The following PARM1 variants were observed in gnomAD, a reference collection of about 807,000 sequenced individuals.
PARM1 encodes prostate androgen-regulated mucin-like protein 1.
PARM1 carries 14 observed loss-of-function variants against 24.6 expected under a neutral mutation model. The observed-to-expected ratio is 0.57, with a 90% CI of 0.38 to 0.89. The LOEUF (loss-of-function observed/expected upper bound fraction) is 0.89. Among genes scored for constraint, PARM1 ranks in the 40% least tolerant of loss-of-function variants. PARM1 has a pLI of 0.00. For synonymous variants in PARM1, 179 were observed against 156.6 expected, an observed-to-expected ratio of 1.14 and a Z score of -1.07; for missense variants, 362 against 380.4, an observed-to-expected ratio of 0.95 and a Z score of 0.40.
At chr4:74,999,208 C>T (rs1319900256) in intron 1 of PARM1, 1 of 152,264 alleles carries the variant, frequency 6.6e-6, no homozygotes, top group African/African-American at 2.4e-5. Flanking sequence ...CTAAGAACTT[C>T]ATCCCAACAC....
chr4:74,949,234 C>A (rs1721470033), intron 1 of PARM1, among the ~76,000 whole-genome samples: 1 of 152,136 alleles, frequency 6.6e-6, no homozygotes, highest in Admixed American at 6.5e-5. Flanking sequence ...AAGGAGAAAA[C>A]CCACGTTTCC....
intron 2 of PARM1, among the ~76,000 whole-genome samples, chr4:75,030,830 G>T (rs1355734884): frequency 6.6e-6 from 1 of 152,014 alleles, no homozygotes; most frequent in Non-Finnish European, 1.5e-5. Flanking sequence ...TAAGCCAGAG[G>T]CTCCCCTGCC....
rs766172537 is a variant in PARM1 at position 75,012,604 on chromosome 4, T to C, written c.223T>C (p.Ser75Pro). The change falls in exon 2 of 4, where the codon TCT (serine) becomes CCT (proline). Residue 75 changes from serine (S) to proline (P), a missense_variant. Coordinates refer to ENST00000307428, the MANE Select transcript of PARM1 (RefSeq NM_015393.4). ...CCCAGTTACAGCATCAGCCCCAACATCTCTGCTTCCTAAGAACATTTCCAT... is the reference window on the plus strand; with the variant it reads ...CCCAGTTACAGCATCAGCCCCAACACCTCTGCTTCCTAAGAACATTTCCAT... ...VLPVTASAPTSLLPKNISIES... is the reference protein window; with the variant it reads ...VLPVTASAPTPLLPKNISIES... The C allele has an allele frequency of 1.2e-6, 2 of 1,613,870 alleles. No homozygotes were observed. Among genetic ancestry groups the C allele is most frequent in the Non-Finnish European group, 1.7e-6 (2 of 1,179,856 alleles).
rs974596157 is a variant in PARM1, at chr4:74,981,439, C to T, written c.44-30986C>T. ...AAAACCGCAATGAGATACAATCTCA[C>T]GCCATTCAGAATGGCACTTATTAAA... On this transcript the variant is annotated intron_variant, in intron 1 of 3. Transcript: ENST00000307428. Among the ~76,000 whole-genome samples, 8 of 152,244 alleles carry T rather than the reference C, an allele frequency of 5.3e-5. No homozygotes were observed. The South Asian group carries it at 1.2e-3, about 24-fold the overall frequency.
intron 1 of PARM1, 26 bp from the exon 2 acceptor site, chr4:75,012,399 C>A: frequency 6.2e-7 from 1 of 1,601,314 alleles, no homozygotes; most frequent in Non-Finnish European, 8.5e-7. Flanking sequence ...CACATATTAA[C>A]CACTTTTGTA....
At chr4:75,032,995 A>C (rs1008786379) in intron 2 of PARM1, among the ~76,000 whole-genome samples, 1 of 152,246 alleles carries the variant, frequency 6.6e-6, no homozygotes, top group African/African-American at 2.4e-5. Flanking sequence ...TTATTAATGC[A>C]AAGCTCACAC....
In PARM1 at chr4:74,961,900, T is replaced by C. The variant is rs149508828; in HGVS notation, c.43+28530T>C. Reference sequence around the variant, plus strand: ...TAAATAATAAAGATCTCAATAAAGGTAAATACATGAACAGTTATAAAATCT... The same window carrying C: ...TAAATAATAAAGATCTCAATAAAGGCAAATACATGAACAGTTATAAAATCT... On this transcript the variant is annotated intron_variant, in intron 1 of 3. Transcript: ENST00000307428. 9.9e-5 allele frequency among the ~76,000 whole-genome samples: 15 copies of C among 152,262 alleles called. No individual in the cohort carries two copies. In the East Asian group the frequency reaches 2.7e-3, roughly 27 times the overall value.
chr4:74,979,312 A>G (rs1438594249), intron 1 of PARM1, among the ~76,000 whole-genome samples: 9 of 152,194 alleles, frequency 5.9e-5, no homozygotes, highest in Admixed American at 5.9e-4. Flanking sequence ...AAATACAACC[A>G]TCAGAGAATA....
intron 2 of PARM1, among the ~76,000 whole-genome samples, chr4:75,013,830 T>C (rs1337220252): frequency 6.6e-6 from 1 of 152,222 alleles, no homozygotes; most frequent in Non-Finnish European, 1.5e-5. Flanking sequence ...TAGTATTATT[T>C]TTATCTTTGT....
At position 74,964,309 on chromosome 4, in the gene PARM1, G is replaced by A. The variant is rs1721852153; in HGVS notation, c.43+30939G>A. On this transcript the variant is annotated intron_variant, in intron 1 of 3. Coordinates refer to ENST00000307428, the MANE Select transcript of PARM1 (RefSeq NM_015393.4). The stretch of plus-strand genomic sequence containing the variant: ...ATTCACAATCTTAAACTTGGTTTTA[G>A]CCTGGCCTGCATGATTGATGAGGTC... Among the ~76,000 whole-genome samples, 3 of 152,272 alleles carry A rather than the reference G, an allele frequency of 2.0e-5. No individual in the cohort carries two copies. In the South Asian group the frequency reaches 6.2e-4, roughly 32 times the overall value.
chr4:74,974,928 A>C (rs1205274678), intron 1 of PARM1, among the ~76,000 whole-genome samples: 1 of 152,208 alleles, frequency 6.6e-6, no homozygotes, highest in Non-Finnish European at 1.5e-5. Flanking sequence ...GCATCTCCCC[A>C]GAACCTGACC....
intron 3 of PARM1, among the ~76,000 whole-genome samples, chr4:75,036,936 G>A (rs1478207832): frequency 2.0e-5 from 3 of 152,042 alleles, no homozygotes; most frequent in Non-Finnish European, 1.5e-5. Context: ...AGACCCTTAA[G>A]GGGTTTCAGA....
At position 74,936,958 on chromosome 4, in the gene PARM1, A is replaced by T. The variant is rs534415286; in HGVS notation, c.43+3588A>T. On this transcript the variant is annotated intron_variant, in intron 1 of 3. Coordinates refer to ENST00000307428, the MANE Select transcript of PARM1 (RefSeq NM_015393.4). ...CCCCTGTCTCCTCTCAGGACCTTCC[A>T]CCCATTACCCAGGCACCCTGCGCAG... Among the ~76,000 whole-genome samples the T allele has an allele frequency of 5.9e-5, 9 of 152,108 alleles. No homozygotes were observed. In the South Asian group the frequency reaches 1.9e-3, roughly 32 times the overall value.
chr4:74,974,918 G>C (rs1480033358), intron 1 of PARM1, among the ~76,000 whole-genome samples: 9 of 152,122 alleles, frequency 5.9e-5, no homozygotes, highest in Admixed American at 5.9e-4. Flanking sequence ...CCAGGAAAGG[G>C]CATCTCCCCA....
intron 2 of PARM1, among the ~76,000 whole-genome samples, chr4:75,029,061 T>C (rs1393946153): frequency 6.6e-6 from 1 of 151,972 alleles, no homozygotes; most frequent in Non-Finnish European, 1.5e-5. Flanking sequence ...CCCTTCTGAG[T>C]GTGTGATCAA....
At chr4:74,980,868 G>A (rs933204193) in intron 1 of PARM1, among the ~76,000 whole-genome samples, 1 of 152,116 alleles carries the variant, frequency 6.6e-6, no homozygotes, top group Non-Finnish European at 1.5e-5. Flanking sequence ...CAAGCAATGG[G>A]GGAAAAGATT....
At position 74,967,902 on chromosome 4, in the gene PARM1, T is replaced by A. The variant is rs546177405; in HGVS notation, c.43+34532T>A. ...TCAATGCTTTGAGGTTACTTAAGTA[T>A]CCCACCAGCACAGTGGTAAAGTGGC... On this transcript the variant is annotated intron_variant, in intron 1 of 3. Coordinates refer to ENST00000307428, the MANE Select transcript of PARM1 (RefSeq NM_015393.4). The A allele has an allele frequency of 1.8e-4, 27 of 152,336 alleles. No homozygotes were observed. In the East Asian group the frequency reaches 5.2e-3, roughly 29 times the overall value. The allele number at this position is 152,336 out of a possible 1,614,324, so 9.4% of individuals were successfully genotyped here.
At chr4:75,030,665 C>G (rs1723257793) in intron 2 of PARM1, among the ~76,000 whole-genome samples, 1 of 152,174 alleles carries the variant, frequency 6.6e-6, no homozygotes, top group Non-Finnish European at 1.5e-5. Context: ...AAGTTTCCTT[C>G]AGTTCTTAAT....
At chr4:74,949,359 C>T (rs1222484784) in intron 1 of PARM1, among the ~76,000 whole-genome samples, 1 of 152,276 alleles carries the variant, frequency 6.6e-6, no homozygotes, top group East Asian at 1.9e-4. Context: ...TGCTCTGTCA[C>T]CCAGACTGGA....
Sources: allele counts gnomAD v4.1 joint callset (sites outside exome capture counted in the v4.1 genomes callset), GRCh38; gene constraint gnomAD v4.1.1; transcripts MANE v1.5; gene names NCBI Gene and HGNC (gene_info 2026-07-23, HGNC 2026-07-21).